Variants in PKD1L3 observed in about 807,000 individuals in gnomAD.
The protein encoded by PKD1L3 is polycystin-1-like protein 3.
PKD1L3 carries 239 observed loss-of-function variants against 184.1 expected under a neutral mutation model. The observed-to-expected ratio is 1.30, with a 90% CI of 1.17 to 1.45. PKD1L3 has a LOEUF of 1.45. Among genes scored for constraint, PKD1L3 ranks in the 40% most tolerant of loss-of-function variants. PKD1L3 has a pLI of 0.00. For missense variants in PKD1L3, 2,660 were observed against 2,067.2 expected (o/e 1.29, Z -5.56); for synonymous variants, 996 against 778.8 (o/e 1.28, Z -4.64).
At chr16:71,973,837 A>G (rs555976663) in intron 11 of PKD1L3, among the ~76,000 whole-genome samples, 1 of 152,078 alleles carries the variant, frequency 6.6e-6, no homozygotes, top group South Asian at 2.1e-4. Context: ...CCCCATCTCT[A>G]CTAAAAATAC....
chr16:71,945,926 T>C (rs749303239), intron 22 of PKD1L3, among the ~76,000 whole-genome samples: 3 of 152,156 alleles, frequency 2.0e-5, no homozygotes, highest in Non-Finnish European at 4.4e-5. Flanking sequence ...CAGTTCAGAA[T>C]GCACAGAGAA....
At chr16:71,931,567 C>T (rs1449965218) in intron 28 of PKD1L3, among the ~76,000 whole-genome samples, 8 of 147,950 alleles carry the variant, frequency 5.4e-5, no homozygotes, top group Non-Finnish European at 8.9e-5. Flanking sequence ...CAGGTTCAAG[C>T]GATTCTCCTC....
At chr16:71,983,718 G>C (rs2040252536) in intron 6 of PKD1L3, among the ~76,000 whole-genome samples, 1 of 133,604 alleles carries the variant, frequency 7.5e-6, no homozygotes, top group South Asian at 2.5e-4. Flanking sequence ...CCAGGCTGGA[G>C]TGGAGTGGCG....
At chr16:71,977,068 C>T (rs1485923468) in intron 11 of PKD1L3, among the ~76,000 whole-genome samples, 168 bp downstream of exon 11, 1 of 152,162 alleles carries the variant, frequency 6.6e-6, no homozygotes, top group African/African-American at 2.4e-5. Flanking sequence ...AAGAAATTAG[C>T]CAGATGTGGT....
intron 24 of PKD1L3, among the ~76,000 whole-genome samples, chr16:71,940,504 T>A (rs182334180): frequency 0.09 from 13,696 of 152,118 alleles, 776 homozygotes; most frequent in Non-Finnish European, 0.13. Context: ...TTTTTATTTT[T>A]TTTTTATTTT....
At chr16:71,993,538 T>C (rs904912660) in intron 2 of PKD1L3, among the ~76,000 whole-genome samples, 1 of 152,234 alleles carries the variant, frequency 6.6e-6, no homozygotes, top group African/African-American at 2.4e-5. Context: ...TTAAGTTCAC[T>C]AGTTGGGTCA....
At chr16:71,986,070 T>G (rs1030474534) in intron 5 of PKD1L3, 151 bp downstream of exon 5, 13 of 1,017,968 alleles carry the variant, frequency 1.3e-5, no homozygotes, top group East Asian at 2.6e-5. Context: ...ATTGGCTGTT[T>G]CCATGGACTT....
At chr16:71,986,508 G>C (rs1035944249) in intron 4 of PKD1L3, 39 bp from the exon 5 acceptor site, 1 of 1,521,744 alleles carries the variant, frequency 6.6e-7, no homozygotes, top group Non-Finnish European at 8.9e-7. Flanking sequence ...GACTGAATCT[G>C]ATTTTACCAT....
intron 28 of PKD1L3, 128 bp from the exon 29 acceptor site, chr16:71,930,311 G>T: frequency 2.1e-6 from 2 of 930,432 alleles, no homozygotes; most frequent in Non-Finnish European, 3.0e-6. Flanking sequence ...TAGGGAGAGA[G>T]TCAAAAGATA....
chr16:71,975,172 C>T (rs1009746030), intron 11 of PKD1L3, among the ~76,000 whole-genome samples: 3 of 152,004 alleles, frequency 2.0e-5, no homozygotes, highest in African/African-American at 7.2e-5. Flanking sequence ...CCTCTTGCCT[C>T]AGCCTCCCAA....
chr16:71,971,088 C>A (rs980545314), intron 12 of PKD1L3, among the ~76,000 whole-genome samples: 3 of 152,070 alleles, frequency 2.0e-5, no homozygotes, highest in African/African-American at 7.2e-5. Context: ...AATAAATATT[C>A]GGTGAAAGAA....
chr16:71,983,739 T>C (rs2040253975), intron 6 of PKD1L3, among the ~76,000 whole-genome samples: 1 of 139,718 alleles, frequency 7.2e-6, no homozygotes, highest in Non-Finnish European at 1.5e-5. Context: ...GGATCTTGGC[T>C]CATTGCCTCT....
chr16:71,987,212 T>C (rs955247461), intron 4 of PKD1L3, among the ~76,000 whole-genome samples: 15 of 151,680 alleles, frequency 9.9e-5, no homozygotes, highest in Non-Finnish European at 2.1e-4. Flanking sequence ...CGTGAGCCAC[T>C]GCACCCGGCT....
At chr16:71,977,116 G>C (rs2039956157) in intron 11 of PKD1L3, 120 bp downstream of exon 11, 1 of 762,094 alleles carries the variant, frequency 1.3e-6, no homozygotes, top group Admixed American at 2.3e-5. Context: ...AAGAGGCTAA[G>C]GCAGGAGGAT....
chr16:71,952,756 A>G, intron 18 of PKD1L3, 138 bp downstream of exon 18: 1 of 839,460 alleles, frequency 1.2e-6, no homozygotes, highest in Non-Finnish European at 1.8e-6. Flanking sequence ...GGACCACTTG[A>G]GCCGGGAGTT....
At chr16:71,953,514 T>C (rs143594147) in intron 17 of PKD1L3, among the ~76,000 whole-genome samples, 1 of 150,110 alleles carries the variant, frequency 6.7e-6, no homozygotes, top group Non-Finnish European at 1.5e-5. Flanking sequence ...ACAAAGCACC[T>C]TACCTGGCAT....
intron 1 of PKD1L3, among the ~76,000 whole-genome samples, chr16:71,999,041 G>A (rs1418497751): frequency 1.3e-5 from 2 of 152,026 alleles, no homozygotes; most frequent in East Asian, 1.9e-4. Context: ...GGAGGCCGAG[G>A]CGGGCGGATC....
chr16:71,978,004 C>G (rs1473452936), intron 10 of PKD1L3, among the ~76,000 whole-genome samples: 1 of 151,586 alleles, frequency 6.6e-6, no homozygotes, highest in Non-Finnish European at 1.5e-5. Flanking sequence ...GAACTCCTGA[C>G]CTCAAGTGAT....
At chr16:71,974,765 C>A (rs915484157) in intron 11 of PKD1L3, among the ~76,000 whole-genome samples, 4 of 152,210 alleles carry the variant, frequency 2.6e-5, no homozygotes, top group African/African-American at 9.6e-5. Context: ...CTGTAGTGGG[C>A]AGCCTGGTAG....
Sources: gnomAD v4.1 joint callset for allele counts (sites outside exome capture counted in the v4.1 genomes callset) on GRCh38, gnomAD v4.1.1 for gene constraint, MANE v1.5 for transcripts, NCBI Gene and HGNC (gene_info 2026-07-23, HGNC 2026-07-21) for gene names.